The following SLC51A variants were observed in gnomAD, a reference collection of about 807,000 sequenced individuals.
SLC51A encodes solute carrier family 51 member A.
Under a neutral mutation model 34.8 loss-of-function variants are expected in SLC51A, and 22 were observed. The observed-to-expected ratio is 0.63, with a 90% CI of 0.45 to 0.90. The LOEUF (loss-of-function observed/expected upper bound fraction) is 0.90. SLC51A is among the 40% of genes least tolerant of loss of function. The pLI is 0.00. For synonymous variants in SLC51A, 181 were observed against 176.3 expected (o/e 1.03, Z -0.21); for missense variants, 371 against 414.8 (o/e 0.89, Z 0.92).
At chr3:196,221,809 A>G (rs971688080) in intron 2 of SLC51A, among the ~76,000 whole-genome samples, 5 of 149,914 alleles carry the variant, frequency 3.3e-5, no homozygotes, top group Non-Finnish European at 7.4e-5. Context: ...TCCGCCTCCC[A>G]GGTTCACGCC....
rs777552351 is a variant in SLC51A, at chr3:196,227,110, G to T, written c.279G>T (p.Ser93=). The change falls in exon 3 of 9, where the codon TCG becomes TCT. Residue 93 remains serine, a synonymous_variant. Coordinates refer to ENST00000296327, the MANE Select transcript of SLC51A (RefSeq NM_152672.6). ...IKRRTLLWKS[S]APTVVSVLCC... is the part of the protein sequence containing the mutation. ...GGCGGACTCTGCTCTGGAAGAGCTC[G>T]GCACCCACGGTGAGGCCCCCGGGGC... The T allele has an allele frequency of 6.2e-7, 1 of 1,613,656 alleles. No individual in the cohort carries two copies. Among genetic ancestry groups the T allele is most frequent in the Non-Finnish European group, 8.5e-7 (1 of 1,180,012 alleles).
In SLC51A at chr3:196,232,835, TAAG is replaced by T. The variant is rs372545977; in HGVS notation, c.887-225_887-223del. ...GAAGCCCATGTTGATTGAACACACA[TAAG>T]AAATGGACTGTATGCCAGCCTCAGA... is the stretch of plus-strand genomic sequence containing the variant. On this transcript the variant is annotated intron_variant, in intron 8 of 8. Coordinates refer to ENST00000296327, the MANE Select transcript of SLC51A (RefSeq NM_152672.6). The T allele has an allele frequency of 7.9e-4, 468 of 591,048 alleles. 4 individuals are homozygous for T. Among genetic ancestry groups the T allele is most frequent in the African/African-American group, 6.2e-3 (336 of 53,764 alleles). 36.6% of individuals were successfully genotyped at this position (591,048 alleles called of 1,614,324 possible). A position where few individuals can be genotyped will look rare whatever the true frequency, so the allele number is the denominator to read the frequency against.
At position 196,228,959 on chromosome 3, in the gene SLC51A, T is replaced by C. The variant is rs866606349; in HGVS notation, c.633+39T>C. The C allele has an allele frequency of 8.1e-6, 12 of 1,477,582 alleles. No homozygotes were observed. The highest frequency in any genetic ancestry group is 1.7e-4 in the Middle Eastern group (1 of 5,798). 91.5% of individuals were successfully genotyped at this position (1,477,582 alleles called of 1,614,324 possible). On this transcript the variant is annotated intron_variant, in intron 6 of 8. Transcript: ENST00000296327. This position sits in a 1 kb window ranked among gnomAD's most constrained non-coding sequence, Gnocchi z 4.9. ...AAGGGACAGCACAGTCCAAGACTCA[T>C]TTAGTACCTTTGTGTTCTAAAAGGA...
rs200897336 is a variant in SLC51A at position 196,227,030 on chromosome 3, A to G, written c.199A>G (p.Ile67Val). 9.9e-6 allele frequency: 16 copies of G among 1,613,972 alleles called. No homozygotes were observed. In the Admixed American group the frequency reaches 2.0e-4, roughly 20 times the overall value. Residue 67 changes from isoleucine to valine, a missense_variant, in exon 3 of 9, where the codon ATC becomes GTC. Coordinates refer to ENST00000296327, the MANE Select transcript of SLC51A (RefSeq NM_152672.6). ...LTLLALGSIAIFLEDAVYLYK... is the reference protein window; with the variant it reads ...LTLLALGSIAVFLEDAVYLYK... ...CTTGCTGGCGCTGGGCTCCATTGCCATCTTCCTGGAGGATGCCGTCTACCT... is the reference window on the plus strand; with the variant it reads ...CTTGCTGGCGCTGGGCTCCATTGCCGTCTTCCTGGAGGATGCCGTCTACCT...
chr3:196,224,279 T>C (rs1269438061), intron 2 of SLC51A, among the ~76,000 whole-genome samples: 1 of 151,840 alleles, frequency 6.6e-6, no homozygotes, highest in Non-Finnish European at 1.5e-5. Context: ...TGGAAAAATA[T>C]GTTCTTTTCT....
At position 196,232,329 on chromosome 3, in the gene SLC51A, C is replaced by T. The variant is rs528424764; in HGVS notation, c.781-90C>T. The T allele has an allele frequency of 5.0e-4, 478 of 948,290 alleles. 3 individuals carry two copies. In the African/African-American group the frequency reaches 6.6e-3, roughly 13 times the overall value. 58.7% of individuals were successfully genotyped at this position (948,290 alleles called of 1,614,324 possible). On this transcript the variant is annotated intron_variant, in intron 7 of 8. Transcript: ENST00000296327. ...CTGACGGTGGGTGGAACCTGCCCAG[C>T]GGAAGGGCAAGGCCCGGCAGTGGGC...
In SLC51A at chr3:196,227,678, G is replaced by A; in HGVS notation, c.303G>A (p.Leu101=). 6.2e-7 allele frequency: 1 copy of A among 1,614,010 alleles called. No individual in the cohort carries two copies. Among genetic ancestry groups the A allele is most frequent in the Non-Finnish European group, 8.5e-7 (1 of 1,179,994 alleles). The change falls in exon 4 of 9, where the codon CTG becomes CTA. Residue 101 remains leucine (L), a synonymous_variant. Coordinates refer to ENST00000296327, the MANE Select transcript of SLC51A (RefSeq NM_152672.6). The stretch of plus-strand genomic sequence containing the variant: ...CTTCTGAGCAGGTGGTGTCTGTGCT[G>A]TGCTGCTTTGGTCTCTGGATCCCTC... ...KSSAPTVVSV[L]CCFGLWIPRS... is the part of the protein sequence containing the mutation.
intron 2 of SLC51A, among the ~76,000 whole-genome samples, chr3:196,224,470 G>A (rs932752168): frequency 1.3e-5 from 2 of 151,026 alleles, no homozygotes; most frequent in Non-Finnish European, 2.9e-5. Context: ...CGAGGTGGGC[G>A]GGTCAGTTGA....
intron 2 of SLC51A, among the ~76,000 whole-genome samples, chr3:196,221,417 C>T (rs1723753253): frequency 6.6e-6 from 1 of 151,886 alleles, no homozygotes; most frequent in Non-Finnish European, 1.5e-5. Context: ...CAGGCACACA[C>T]CACCATGCCT....
intron 1 of SLC51A, among the ~76,000 whole-genome samples, chr3:196,217,154 C>T (rs917089056): frequency 3.2e-4 from 48 of 152,202 alleles, no homozygotes; most frequent in African/African-American, 1.1e-3. Context: ...TCTTCAGGCA[C>T]GGCAGCCAGG....
chr3:196,224,678 A>T (rs1183748836), intron 2 of SLC51A, among the ~76,000 whole-genome samples: 1 of 120,928 alleles, frequency 8.3e-6, no homozygotes, highest in African/African-American at 3.1e-5. Flanking sequence ...CTTCGTTGAA[A>T]GAAGAGAAGG....
intron 3 of SLC51A, 100 bp from the exon 4 acceptor site, chr3:196,227,564 C>G (rs775039368): frequency 6.1e-6 from 6 of 988,912 alleles, no homozygotes; most frequent in East Asian, 2.4e-5. Context: ...AACGCTGCCT[C>G]GAATGTGTAG....
intron 6 of SLC51A, 123 bp downstream of exon 6, chr3:196,229,043 C>G (rs778448764): frequency 2.2e-5 from 18 of 805,150 alleles, no homozygotes; most frequent in Non-Finnish European, 3.5e-5. Context: ...TGTGGGAAAA[C>G]AGAGGCTCAG....
chr3:196,232,113 TC>T (rs1724040601), intron 7 of SLC51A, among the ~76,000 whole-genome samples: 1 of 152,194 alleles, frequency 6.6e-6, no homozygotes. Flanking sequence ...CATCTCTTTA[TC>T]CATTGAGTGC....
chr3:196,217,120 G>T (rs759205950), intron 1 of SLC51A, among the ~76,000 whole-genome samples: 1 of 152,220 alleles, frequency 6.6e-6, no homozygotes, highest in Admixed American at 6.5e-5. Context: ...TGCCCGACCC[G>T]CATGGAGAGA....
rs139093078 is a variant in SLC51A, at chr3:196,222,642, A to C, written c.134-4323A>C. 7.9e-5 allele frequency among the ~76,000 whole-genome samples: 12 copies of C among 151,838 alleles called. No homozygotes were observed. The East Asian group carries it at 2.1e-3, about 27-fold the overall frequency. On this transcript the variant is annotated intron_variant, in intron 2 of 8. Transcript: ENST00000296327. ...GAGTAAGGCTCCATCTCAAAAAAAAAAAAAAAGTTAAGTTTTGTAAAAGGT... is the reference window on the plus strand; with the variant it reads ...GAGTAAGGCTCCATCTCAAAAAAAACAAAAAAGTTAAGTTTTGTAAAAGGT...
chr3:196,228,049 CA>C lies in SLC51A; in HGVS notation c.363-65del, dbSNP rs1341182750. On this transcript the variant is annotated intron_variant, in intron 4 of 8. Transcript: ENST00000296327. This position sits in a 1 kb window ranked among gnomAD's most constrained non-coding sequence, Gnocchi z 4.9. ...CCTAGCTCTGCTCCTCAGTAAGCCC[CA>C]CCTCTCCCTGCTGTCTTTCTCTCTG... is the stretch of plus-strand genomic sequence containing the variant. 3.8e-6 allele frequency: 6 copies of C among 1,567,714 alleles called. No individual in the cohort carries two copies. In the East Asian group the frequency reaches 1.3e-4, roughly 35 times the overall value.
In SLC51A at chr3:196,217,939, G is replaced by A. The variant is rs753181047; in HGVS notation, c.133+3G>A. ...CACAGCAGCCCAACTCCTGAGAGGT[G>A]AGTGGGGACCCTCCTCAGAGGGAAC... On this transcript the variant is annotated splice_donor_region_variant and intron_variant, in intron 2 of 8. Coordinates refer to ENST00000296327, the MANE Select transcript of SLC51A (RefSeq NM_152672.6). 6.2e-7 allele frequency: 1 copy of A among 1,611,304 alleles called. No homozygotes were observed. The highest frequency in any genetic ancestry group is 8.5e-7 in the Non-Finnish European group (1 of 1,178,770).
chr3:196,230,095 T>A (rs371699603), intron 7 of SLC51A, 34 bp downstream of exon 7: 4 of 1,573,494 alleles, frequency 2.5e-6, no homozygotes, highest in Non-Finnish European at 3.4e-6. Flanking sequence ...AGATGTTTCA[T>A]AACCGAGCTA....
Sources: allele counts gnomAD v4.1 joint callset (sites outside exome capture counted in the v4.1 genomes callset), GRCh38; gene constraint gnomAD v4.1.1; non-coding constraint Gnocchi (gnomAD v3.1); transcripts MANE v1.5; gene names NCBI Gene and HGNC (gene_info 2026-07-23, HGNC 2026-07-21).